ZNF536: variants seen among roughly 807,000 people sequenced by gnomAD.
The protein encoded by ZNF536 is zinc finger protein 536.
ZNF536 carries 13 observed loss-of-function variants against 84.5 expected under a neutral mutation model. The ratio of observed to expected loss-of-function variants is 0.15; its 90% CI spans 0.10 to 0.24. ZNF536 has a LOEUF of 0.24. ZNF536 is among the 10% of genes least tolerant of loss of function. ZNF536 has a pLI of 1.00. For synonymous variants in ZNF536, 811 were observed against 742.5 expected (o/e 1.09, Z -1.50); for missense variants, 1,536 against 1,747.5 (o/e 0.88, Z 2.16).
intron 2 of ZNF536, among the ~76,000 whole-genome samples, chr19:30,524,117 C>T (rs553562146): frequency 9.8e-5 from 15 of 152,292 alleles, no homozygotes; most frequent in African/African-American, 3.4e-4. Context: ...TGCCTCCATG[C>T]CGCCCTAATA....
intron 1 of ZNF536, among the ~76,000 whole-genome samples, chr19:30,267,335 T>C (rs916303367): frequency 3.3e-5 from 5 of 152,206 alleles, no homozygotes; most frequent in Admixed American, 2.6e-4. Context: ...TGTAACAGTG[T>C]GACTGTTCCA....
intron 1 of ZNF536, among the ~76,000 whole-genome samples, chr19:30,592,325 G>A (rs2047304348): frequency 6.6e-6 from 1 of 152,170 alleles, no homozygotes; most frequent in Admixed American, 6.6e-5. Context: ...CCCCAGGAAT[G>A]CAGTGGGATT....
intron 1 of ZNF536, among the ~76,000 whole-genome samples, chr19:30,425,519 G>A (rs560807072): frequency 1.1e-4 from 16 of 152,248 alleles, no homozygotes; most frequent in South Asian, 6.2e-4. Flanking sequence ...AGCATCTGAC[G>A]TCTCTCCTCC....
chr19:30,279,498 A>G (rs1311414353), intron 1 of ZNF536, among the ~76,000 whole-genome samples: 1 of 152,192 alleles, frequency 6.6e-6, no homozygotes, highest in East Asian at 1.9e-4. Flanking sequence ...TTGTCTGAGA[A>G]AGAGAGAATC....
At chr19:30,420,057 G>A (rs893866019) in intron 1 of ZNF536, among the ~76,000 whole-genome samples, 2 of 152,152 alleles carry the variant, frequency 1.3e-5, no homozygotes, top group African/African-American at 2.4e-5. Context: ...AAAGGGTGCA[G>A]GGCATCTGCA....
At chr19:30,398,254 C>T (rs1308693550) in intron 1 of ZNF536, among the ~76,000 whole-genome samples, 4 of 152,198 alleles carry the variant, frequency 2.6e-5, no homozygotes, top group Non-Finnish European at 5.9e-5. Flanking sequence ...TACCCATTTC[C>T]AGTTATATCC....
At chr19:30,524,507 G>T (rs1463793118) in intron 2 of ZNF536, among the ~76,000 whole-genome samples, 2 of 152,168 alleles carry the variant, frequency 1.3e-5, no homozygotes, top group African/African-American at 2.4e-5. Flanking sequence ...AAAGAATATG[G>T]CAAGACACAT....
intron 2 of ZNF536, among the ~76,000 whole-genome samples, chr19:30,326,805 T>G (rs2047048171): frequency 7.5e-6 from 1 of 132,822 alleles, no homozygotes; most frequent in Admixed American, 7.7e-5. Flanking sequence ...TTTTTTTTTT[T>G]TTTTTTTTTT....
intron 1 of ZNF536, among the ~76,000 whole-genome samples, chr19:30,594,641 G>A (rs1274378662): frequency 6.6e-6 from 1 of 152,126 alleles, no homozygotes; most frequent in African/African-American, 2.4e-5. Flanking sequence ...GCTGGAGAGA[G>A]GCAGGGGGCA....
intron 1 of ZNF536, among the ~76,000 whole-genome samples, chr19:30,574,835 A>G (rs2046673633): frequency 6.6e-6 from 1 of 152,212 alleles, no homozygotes; most frequent in South Asian, 2.1e-4. Context: ...TTAATCAATG[A>G]GTTTTTCCCT....
intron 2 of ZNF536, among the ~76,000 whole-genome samples, chr19:30,295,356 C>T (rs2045964964): frequency 6.6e-6 from 1 of 152,158 alleles, no homozygotes. Flanking sequence ...AGGTTGTCTG[C>T]TGGCTTGTAG....
At chr19:30,664,564 G>C (rs767515560) in intron 1 of ZNF536, among the ~76,000 whole-genome samples, 1 of 152,118 alleles carries the variant, frequency 6.6e-6, no homozygotes, top group Non-Finnish European at 1.5e-5. Flanking sequence ...GAATCTCACC[G>C]GAAAATAGAG....
chr19:30,665,316 C>T (rs1019093661), intron 1 of ZNF536: 2 of 152,170 alleles, frequency 1.3e-5, no homozygotes, highest in African/African-American at 4.8e-5. Context: ...GCACTCTAGC[C>T]TGGGCAACAA....
intron 1 of ZNF536, among the ~76,000 whole-genome samples, chr19:30,600,643 C>T (rs187230246): frequency 3.9e-4 from 59 of 152,322 alleles, no homozygotes; most frequent in African/African-American, 1.4e-3. Flanking sequence ...AGCAAACTGG[C>T]GCCCCGGAGG....
intron 1 of ZNF536, among the ~76,000 whole-genome samples, chr19:30,598,723 C>T (rs1375873227): frequency 6.6e-6 from 1 of 152,064 alleles, no homozygotes; most frequent in Non-Finnish European, 1.5e-5. Context: ...TTGTGAAAAA[C>T]CAACAGGCTC....
chr19:30,546,324 A>G (rs1195556788), intron 3 of ZNF536, among the ~76,000 whole-genome samples: 1 of 152,234 alleles, frequency 6.6e-6, no homozygotes, highest in Non-Finnish European at 1.5e-5. Flanking sequence ...GTCTAGCTAG[A>G]GATGACTGTG....
intron 1 of ZNF536, among the ~76,000 whole-genome samples, chr19:30,387,276 C>A (rs2147277551): frequency 6.6e-6 from 1 of 152,310 alleles, no homozygotes; most frequent in South Asian, 2.1e-4. Flanking sequence ...GCAAAAGGGG[C>A]TGTAACAGAG....
At chr19:30,592,645 T>C (rs981022895) in intron 1 of ZNF536, among the ~76,000 whole-genome samples, 3 of 152,058 alleles carry the variant, frequency 2.0e-5, no homozygotes, top group African/African-American at 7.2e-5. Context: ...CCTAACTGGC[T>C]GTGGAAATGA....
chr19:30,481,953 A>G (rs1195136492), intron 2 of ZNF536, among the ~76,000 whole-genome samples: 1 of 152,246 alleles, frequency 6.6e-6, no homozygotes, highest in Non-Finnish European at 1.5e-5. Context: ...TTCCCATAGA[A>G]TAATGGCCTC....
Sources: allele counts gnomAD v4.1 joint callset (sites outside exome capture counted in the v4.1 genomes callset), GRCh38; gene constraint gnomAD v4.1.1; transcripts MANE v1.5; gene names NCBI Gene and HGNC (gene_info 2026-07-23, HGNC 2026-07-21).